Variants in FAAH2 observed in about 807,000 individuals in gnomAD.
The protein encoded by FAAH2 is fatty acid amide hydrolase 2.
Under a neutral mutation model 36.9 loss-of-function variants are expected in FAAH2, and 60 were observed. That is an observed-to-expected ratio of 1.63 (90% CI 1.32 to 2.02). The LOEUF (loss-of-function observed/expected upper bound fraction) is 2.02. Ranked by LOEUF, FAAH2 falls within the 30% of genes most tolerant of loss-of-function variation. The pLI is 0.00. For missense variants in FAAH2, 689 were observed against 397.5 expected (o/e 1.73, Z -6.23); for synonymous variants, 214 against 143.8 (o/e 1.49, Z -3.49).
At chrX:57,167,545 A>G in the FAAH2 span, among the ~76,000 whole-genome samples, 2 of 111,745 alleles carry the variant, frequency 1.8e-5, no homozygotes, top group South Asian at 7.5e-4. Flanking sequence ...CTTAACTTAT[A>G]TTGTGAGAAC....
At chrX:57,365,629 T>C in intron 5 of FAAH2, among the ~76,000 whole-genome samples, 1 of 112,318 alleles carries the variant, frequency 8.9e-6, no homozygotes, top group Non-Finnish European at 1.9e-5. Context: ...GATGTTTTTA[T>C]GGACAATATA....
chrX:57,264,935 C>T, the FAAH2 span, among the ~76,000 whole-genome samples: 13 of 111,828 alleles, frequency 1.2e-4, no homozygotes, highest in African/African-American at 3.3e-4. Context: ...TTCAGGTACT[C>T]GCATTGGGAC....
intron 7 of FAAH2, among the ~76,000 whole-genome samples, chrX:57,411,310 A>G (rs2055694679): frequency 8.9e-6 from 1 of 111,886 alleles, no homozygotes; most frequent in African/African-American, 3.2e-5. Flanking sequence ...CTCTCAATCC[A>G]GAAGATTCAA....
At chrX:57,150,744 C>T in the FAAH2 span, among the ~76,000 whole-genome samples, 1 of 112,007 alleles carries the variant, frequency 8.9e-6, no homozygotes, top group Non-Finnish European at 1.9e-5. Flanking sequence ...TTAATTGGAG[C>T]ATTTAGCCCA....
At chrX:57,171,006 G>T in the FAAH2 span, among the ~76,000 whole-genome samples, 1 of 111,186 alleles carries the variant, frequency 9.0e-6, no homozygotes, top group Non-Finnish European at 1.9e-5. Flanking sequence ...CACTGCAACC[G>T]GCCTGTATTT....
the FAAH2 span, among the ~76,000 whole-genome samples, chrX:57,182,482 G>A: frequency 9.1e-4 from 101 of 111,469 alleles, no homozygotes; most frequent in African/African-American, 3.1e-3. Flanking sequence ...GATCTTTACA[G>A]CAATGCAACT....
the FAAH2 span, among the ~76,000 whole-genome samples, chrX:57,134,064 C>T: frequency 1.8e-5 from 2 of 110,678 alleles, no homozygotes; most frequent in Admixed American, 9.7e-5. Context: ...AACTAGTGGG[C>T]GGGTTTTCAG....
chrX:57,140,304 C>A, the FAAH2 span, among the ~76,000 whole-genome samples: 1 of 108,431 alleles, frequency 9.2e-6, no homozygotes, highest in Non-Finnish European at 1.9e-5. Flanking sequence ...CTTCTTCCTT[C>A]CCAATTTGGG....
intron 5 of FAAH2, among the ~76,000 whole-genome samples, chrX:57,360,767 G>A (rs7883919): frequency 0.054 from 5,993 of 110,639 alleles, 375 homozygotes; most frequent in African/African-American, 0.17. Flanking sequence ...CTATCAACCC[G>A]TCATCTAGGT....
chrX:57,139,519 T>C, the FAAH2 span, among the ~76,000 whole-genome samples: 1 of 111,552 alleles, frequency 9.0e-6, no homozygotes, highest in Non-Finnish European at 1.9e-5. Flanking sequence ...AGTGGTGCAA[T>C]CTTGGCTCAC....
At chrX:57,399,496 G>T (rs1189292046) in intron 7 of FAAH2, among the ~76,000 whole-genome samples, 2 of 111,763 alleles carry the variant, frequency 1.8e-5, no homozygotes, top group Admixed American at 9.5e-5. Context: ...ACTGGGGCTT[G>T]GTTTTCTGGA....
At chrX:57,246,906 G>T in the FAAH2 span, among the ~76,000 whole-genome samples, 6 of 111,649 alleles carry the variant, frequency 5.4e-5, no homozygotes, top group Non-Finnish European at 1.1e-4. Context: ...GGTCAGTTTT[G>T]CAGCTACTCA....
rs750368552 is a variant in FAAH2, at chrX:57,428,327, T to A, written c.997-3591T>A. On this transcript the variant is annotated intron_variant, in intron 7 of 10. Transcript: ENST00000374900. ...AAAATGTCTATATTATCTAAAGCAATCTACAGATTCATTTCAATTCTCATC... is the reference window on the plus strand; with the variant it reads ...AAAATGTCTATATTATCTAAAGCAAACTACAGATTCATTTCAATTCTCATC... 6.3e-5 allele frequency among the ~76,000 whole-genome samples: 7 copies of A among 111,682 alleles called. No individual in the cohort carries two copies. The East Asian group carries it at 2.0e-3, about 31-fold the overall frequency.
chrX:57,231,811 T>C, the FAAH2 span, among the ~76,000 whole-genome samples: 2 of 111,811 alleles, frequency 1.8e-5, no homozygotes, highest in South Asian at 7.4e-4. Context: ...AAACAGAAAT[T>C]GTTCTATGTC....
the FAAH2 span, among the ~76,000 whole-genome samples, chrX:57,208,521 G>A: frequency 9.0e-6 from 1 of 111,668 alleles, no homozygotes; most frequent in Non-Finnish European, 1.9e-5. Context: ...ACCTGGGTTT[G>A]AGCCCCCACG....
the FAAH2 span, among the ~76,000 whole-genome samples, chrX:57,184,090 T>G: frequency 9.0e-6 from 1 of 110,907 alleles, no homozygotes; most frequent in African/African-American, 3.3e-5. Flanking sequence ...CCCTGTTTTC[T>G]GTTGTTTAAG....
At chrX:57,351,561 TAAA>T (rs1235981365) in intron 5 of FAAH2, among the ~76,000 whole-genome samples, 1 of 109,591 alleles carries the variant, frequency 9.1e-6, no homozygotes, top group African/African-American at 3.3e-5. Context: ...GTTGGACAGA[TAAA>T]GAAAATTGAT....
chrX:57,377,507 C>A (rs993425387), intron 5 of FAAH2, among the ~76,000 whole-genome samples: 1 of 112,081 alleles, frequency 8.9e-6, no homozygotes, highest in African/African-American at 3.2e-5. Context: ...TGGTCTATAT[C>A]TCTGTCTTGG....
intron 3 of FAAH2, among the ~76,000 whole-genome samples, chrX:57,321,982 T>G (rs1426285966): frequency 9.0e-6 from 1 of 111,603 alleles, no homozygotes; most frequent in Non-Finnish European, 1.9e-5. Context: ...CTGAAAAGGA[T>G]CTTATTTCTC....
Sources: gnomAD v4.1 joint callset for allele counts (sites outside exome capture counted in the v4.1 genomes callset) on GRCh38, gnomAD v4.1.1 for gene constraint, MANE v1.5 for transcripts, NCBI Gene and HGNC (gene_info 2026-07-23, HGNC 2026-07-21) for gene names.